SLC25A44: variants seen among roughly 807,000 people sequenced by gnomAD.
SLC25A44 encodes the protein solute carrier family 25 member 44, also known as solute carrier family 25, member 44.
Under a neutral mutation model 29.9 loss-of-function variants are expected in SLC25A44, and 17 were observed. The observed-to-expected ratio is 0.57, with a 90% CI of 0.39 to 0.85. SLC25A44 has a LOEUF of 0.85. Ranked by LOEUF, SLC25A44 falls within the 40% of genes least tolerant of loss-of-function variation. SLC25A44 has a pLI of 0.00. For synonymous variants in SLC25A44, 140 were observed against 151.8 expected (o/e 0.92, Z 0.57); for missense variants, 302 against 398.4 (o/e 0.76, Z 2.06).
At chr1:156,200,831 ATTTTTTTTTT>A (rs35620511) in intron 2 of SLC25A44, among the ~76,000 whole-genome samples, 1 of 99,868 alleles carries the variant, frequency 1.0e-5, no homozygotes, top group African/African-American at 3.9e-5. Context: ...TTTCCTCAGC[ATTTTTTTTTT>A]TTTTTTTTTT....
chr1:156,210,153 CT>C, intron 3 of SLC25A44, 86 bp from the exon 4 acceptor site: 1 of 953,202 alleles, frequency 1.0e-6, no homozygotes, highest in Non-Finnish European at 1.6e-6. Context: ...GAGTCTGGTT[CT>C]CCCCACTTTA....
chr1:156,201,592 T>G (rs1361119486), intron 2 of SLC25A44, among the ~76,000 whole-genome samples: 2 of 150,958 alleles, frequency 1.3e-5, no homozygotes, highest in African/African-American at 5.0e-5. Context: ...TGCTTCTTTC[T>G]TCTTCTTCTT....
chr1:156,200,207 C>T lies in SLC25A44; in HGVS notation c.360C>T (p.Ser120=), dbSNP rs1242250673. Residue 120 remains serine, a synonymous_variant, in exon 2 of 4, where the codon TCC becomes TCT. Coordinates refer to ENST00000359511, the MANE Select transcript of SLC25A44 (RefSeq NM_014655.4). ...CACTGGTGGCTGGTGGCTCAGCCTC[C>T]CTTGTGGCCCAGAGCATCACAGTGC... ...VKSLVAGGSA[S]LVAQSITVPI... 1 of 1,614,198 alleles carries T rather than the reference C, an allele frequency of 6.2e-7. No homozygotes were observed. Among genetic ancestry groups the T allele is most frequent in the Non-Finnish European group, 8.5e-7 (1 of 1,180,038 alleles).
chr1:156,204,070 T>C (rs1656775427), intron 2 of SLC25A44, among the ~76,000 whole-genome samples: 1 of 147,896 alleles, frequency 6.8e-6, no homozygotes, highest in South Asian at 2.1e-4. Context: ...TACAATGGCA[T>C]GATCCTGGCT....
At chr1:156,202,350 G>A (rs1400235188) in intron 2 of SLC25A44, among the ~76,000 whole-genome samples, 2 of 152,144 alleles carry the variant, frequency 1.3e-5, no homozygotes, top group Non-Finnish European at 2.9e-5. Context: ...GTCATGTTCA[G>A]TGGCTTCCAC....
chr1:156,202,931 C>T (rs889210896), intron 2 of SLC25A44, among the ~76,000 whole-genome samples: 3 of 152,232 alleles, frequency 2.0e-5, no homozygotes, highest in African/African-American at 7.2e-5. Flanking sequence ...ACACCTAGCT[C>T]AGGGTCTGGT....
intron 1 of SLC25A44, chr1:156,196,945 G>A (rs753612156): frequency 1.3e-5 from 2 of 152,220 alleles, no homozygotes; most frequent in African/African-American, 2.4e-5. Flanking sequence ...TGGAGTAGAG[G>A]AGAAATCTTG....
intron 2 of SLC25A44, among the ~76,000 whole-genome samples, chr1:156,205,883 A>C (rs2103047357): frequency 6.6e-6 from 1 of 152,268 alleles, no homozygotes; most frequent in East Asian, 1.9e-4. Flanking sequence ...TCACTCAATA[A>C]ATCTTTGTTG....
chr1:156,209,638 G>A (rs911334604), intron 3 of SLC25A44, among the ~76,000 whole-genome samples: 2 of 152,082 alleles, frequency 1.3e-5, no homozygotes, highest in South Asian at 4.1e-4. Flanking sequence ...AGTGTGAGAG[G>A]GAAGATGCCT....
rs1370292311 is a variant in SLC25A44, at chr1:156,212,585, C to G, written c.*2154C>G. On this transcript the variant is annotated 3_prime_UTR_variant, in exon 4 of 4. Transcript: ENST00000359511. The stretch of plus-strand genomic sequence containing the variant: ...GGATGGGACGGTGGACTTCCATTCT[C>G]CCTAAACTGGAGTTTTGGTCGGTAA... The G allele has an allele frequency of 6.1e-6, 1 of 165,244 alleles. No individual in the cohort carries two copies. Among genetic ancestry groups the G allele is most frequent in the African/African-American group, 2.4e-5 (1 of 41,678 alleles). 10.2% of individuals were successfully genotyped at this position (165,244 alleles called of 1,614,324 possible).
chr1:156,199,923 G>A lies in SLC25A44; in HGVS notation c.76G>A (p.Ala26Thr), dbSNP rs757650994. ...DKKKFYVFGV[A>T]MTMMIRVSVY... ...GAAGAAGTTCTACGTGTTTGGTGTG[G>A]CAATGACAATGATGATCCGTGTCAG... Residue 26 changes from alanine to threonine, a missense_variant, in exon 2 of 4, where the codon GCA (alanine) becomes ACA (threonine). Ala to Thr is a moderately conservative substitution (Grantham distance 58, BLOSUM62 0). Coordinates refer to ENST00000359511, the MANE Select transcript of SLC25A44 (RefSeq NM_014655.4). 1.2e-6 allele frequency: 2 copies of A among 1,614,178 alleles called. No homozygotes were observed. Among genetic ancestry groups the A allele is most frequent in the South Asian group, 2.2e-5 (2 of 91,082 alleles).
chr1:156,199,965 C>G lies in SLC25A44; in HGVS notation c.118C>G (p.Leu40Val). ...MIRVSVYPFT[L>V]IRTRLQVQKG... ...CCGTGTCAGTGTCTACCCATTCACC[C>G]TCATCCGCACCCGGTTGCAAGTTCA... The change falls in exon 2 of 4, where the codon CTC becomes GTC. Residue 40 changes from leucine (L) to valine (V), a missense_variant. Physicochemically the swap from Leu to Val is conservative, Grantham distance 32. Coordinates refer to ENST00000359511, the MANE Select transcript of SLC25A44 (RefSeq NM_014655.4). The G allele has an allele frequency of 1.9e-6, 3 of 1,614,198 alleles. No individual in the cohort carries two copies. In the South Asian group the frequency reaches 3.3e-5, roughly 18 times the overall value.
intron 2 of SLC25A44, among the ~76,000 whole-genome samples, chr1:156,207,066 A>G (rs1656981868): frequency 6.6e-6 from 1 of 152,140 alleles, no homozygotes; most frequent in African/African-American, 2.4e-5. Context: ...GGCCAGGTCC[A>G]GTGGCTCCTA....
intron 3 of SLC25A44, among the ~76,000 whole-genome samples, chr1:156,208,494 C>T (rs528692856): frequency 6.6e-6 from 1 of 152,136 alleles, no homozygotes; most frequent in Admixed American, 6.5e-5. Context: ...TAAAAGAAGC[C>T]CGCCCAGCAC....
Position 156,210,545 on chromosome 1 carries a change from G to T in SLC25A44, c.*114G>T. On this transcript the variant is annotated 3_prime_UTR_variant, in exon 4 of 4. Coordinates refer to ENST00000359511, the MANE Select transcript of SLC25A44 (RefSeq NM_014655.4). ...CACCACACACCCAGCCCTGCCCTGG[G>T]CCAAGTGGCCTATCTGGGATAGGGA... The T allele has an allele frequency of 1.5e-6, 1 of 683,960 alleles. No homozygotes were observed. 42.4% of individuals were successfully genotyped at this position (683,960 alleles called of 1,614,324 possible).
chr1:156,200,175 G>A lies in SLC25A44; in HGVS notation c.328G>A (p.Val110Ile), dbSNP rs747903531. 5.6e-6 allele frequency: 9 copies of A among 1,614,218 alleles called. No individual in the cohort carries two copies. The South Asian group carries it at 8.8e-5, about 16-fold the overall frequency. ...FVADYSQSNTVKSLVAGGSAS... is the reference protein window; with the variant it reads ...FVADYSQSNTIKSLVAGGSAS... ...AGCTGACTACAGCCAGAGTAACACA[G>A]TCAAATCACTGGTGGCTGGTGGCTC... Residue 110 changes from valine to isoleucine, a missense_variant, in exon 2 of 4, where the codon GTC (valine) becomes ATC (isoleucine). Transcript: ENST00000359511.
chr1:156,201,177 C>T (rs1656555915), intron 2 of SLC25A44, among the ~76,000 whole-genome samples: 2 of 152,088 alleles, frequency 1.3e-5, no homozygotes, highest in Admixed American at 1.3e-4. Flanking sequence ...CCTCTCCACT[C>T]CTGTAATGTA....
intron 2 of SLC25A44, among the ~76,000 whole-genome samples, chr1:156,202,256 G>C (rs1014767197): frequency 6.6e-6 from 1 of 152,152 alleles, no homozygotes; most frequent in African/African-American, 2.4e-5. Context: ...TGCTGCATCA[G>C]CTTTCTAGCT....
At chr1:156,203,657 GTCCCTCCC>G (rs951973975) in intron 2 of SLC25A44, among the ~76,000 whole-genome samples, 4 of 149,492 alleles carry the variant, frequency 2.7e-5, no homozygotes, top group Non-Finnish European at 5.9e-5. Flanking sequence ...AAGATGTGGA[GTCCCTCCC>G]TCCCTCCCTT....
Sources: gnomAD v4.1 joint callset for allele counts (sites outside exome capture counted in the v4.1 genomes callset) on GRCh38, gnomAD v4.1.1 for gene constraint, MANE v1.5 for transcripts, NCBI Gene and HGNC (gene_info 2026-07-23, HGNC 2026-07-21) for gene names.